Variants in ATF1 observed in about 807,000 individuals in gnomAD.
The protein encoded by ATF1 is activating transcription factor 1.
ATF1 carries 16 observed loss-of-function variants against 34.7 expected under a neutral mutation model. The ratio of observed to expected loss-of-function variants is 0.46; its 90% CI spans 0.31 to 0.70. The LOEUF (loss-of-function observed/expected upper bound fraction) is 0.70, where lower values mean the gene tolerates loss of function less well. Among genes scored for constraint, ATF1 ranks in the 30% least tolerant of loss-of-function variants. ATF1 has a pLI of 0.05. For missense variants in ATF1, 255 were observed against 321.6 expected, an observed-to-expected ratio of 0.79 and a Z score of 1.58; for synonymous variants, 105 against 113.1, an observed-to-expected ratio of 0.93 and a Z score of 0.46.
intron 1 of ATF1, among the ~76,000 whole-genome samples, chr12:50,768,030 G>A (rs374546726): frequency 6.6e-6 from 1 of 152,070 alleles, no homozygotes; most frequent in South Asian, 2.1e-4. Flanking sequence ...GTGCCACTAC[G>A]CCCAGCTAAT....
intron 1 of ATF1, among the ~76,000 whole-genome samples, chr12:50,779,784 T>C (rs1941014316): frequency 6.6e-6 from 1 of 152,182 alleles, no homozygotes; most frequent in Non-Finnish European, 1.5e-5. Context: ...TTTTACTCAG[T>C]AAATTCTCTA....
At chr12:50,795,770 C>G in intron 2 of ATF1, 139 bp from the exon 3 acceptor site, 1 of 693,794 alleles carries the variant, frequency 1.4e-6, no homozygotes, top group Middle Eastern at 3.5e-4. Flanking sequence ...TCCTTTTGTT[C>G]CTTTCTTTTA....
At chr12:50,818,638 C>CTTG (rs1941889823) in intron 6 of ATF1, among the ~76,000 whole-genome samples, 1 of 152,132 alleles carries the variant, frequency 6.6e-6, no homozygotes, top group Non-Finnish European at 1.5e-5. Context: ...GAGACAGAGT[C>CTTG]TTGCTCTGTT....
At chr12:50,781,217 T>G (rs1941053417) in intron 2 of ATF1, among the ~76,000 whole-genome samples, 1 of 152,172 alleles carries the variant, frequency 6.6e-6, no homozygotes, top group Admixed American at 6.5e-5. Flanking sequence ...CCTACATATT[T>G]TCCTGTATAC....
chr12:50,798,914 A>G (rs930190851), intron 3 of ATF1, among the ~76,000 whole-genome samples: 1 of 152,220 alleles, frequency 6.6e-6, no homozygotes, highest in South Asian at 2.1e-4. Context: ...GAACTTAACT[A>G]TGTATAGGAC....
chr12:50,803,498 TAA>T (rs35063138), intron 3 of ATF1, among the ~76,000 whole-genome samples: 1,512 of 143,712 alleles, frequency 0.011, 26 homozygotes, highest in East Asian at 0.048. Flanking sequence ...GGTAAGAATG[TAA>T]AAAAAAAAAA....
intron 1 of ATF1, among the ~76,000 whole-genome samples, chr12:50,779,609 C>G (rs1201929639): frequency 1.4e-5 from 2 of 147,856 alleles, no homozygotes; most frequent in East Asian, 4.0e-4. Flanking sequence ...CTGTCTAAAT[C>G]TTTTACCAGC....
intron 1 of ATF1, among the ~76,000 whole-genome samples, chr12:50,776,769 C>T (rs902395961): frequency 2.0e-5 from 3 of 152,024 alleles, no homozygotes; most frequent in East Asian, 1.9e-4. Context: ...ATCTTAATTA[C>T]AGAGAAAGGT....
intron 4 of ATF1, among the ~76,000 whole-genome samples, chr12:50,813,748 A>T (rs912500936): frequency 6.6e-6 from 1 of 152,042 alleles, no homozygotes; most frequent in Non-Finnish European, 1.5e-5. Context: ...CAGGAGGCAG[A>T]GGTTGCAGCC....
chr12:50,812,955 T>C (rs953455986), intron 4 of ATF1, among the ~76,000 whole-genome samples: 1 of 152,124 alleles, frequency 6.6e-6, no homozygotes, highest in African/African-American at 2.4e-5. Context: ...ATCACACACA[T>C]ATACATATAC....
chr12:50,787,256 A>G (rs537813828), intron 2 of ATF1, among the ~76,000 whole-genome samples: 1 of 152,346 alleles, frequency 6.6e-6, no homozygotes, highest in African/African-American at 2.4e-5. Context: ...CTCACTGTCA[A>G]AAACCAAAAC....
chr12:50,799,254 G>A (rs1388850879), intron 3 of ATF1, among the ~76,000 whole-genome samples: 2 of 152,096 alleles, frequency 1.3e-5, no homozygotes, highest in Non-Finnish European at 2.9e-5. Context: ...GTATGGTGGT[G>A]TGTACCTGTA....
chr12:50,819,522 A>T, intron 6 of ATF1, 113 bp from the exon 7 acceptor site: 1 of 1,201,016 alleles, frequency 8.3e-7, no homozygotes, highest in African/African-American at 1.5e-5. Context: ...CTCTGTGTGT[A>T]GATGATACTT....
intron 2 of ATF1, among the ~76,000 whole-genome samples, chr12:50,793,972 C>T (rs1480884128): frequency 4.0e-5 from 6 of 151,262 alleles, no homozygotes; most frequent in African/African-American, 7.3e-5. Flanking sequence ...TTTTTTTGAG[C>T]GGGAGCCTCG....
intron 2 of ATF1, among the ~76,000 whole-genome samples, chr12:50,795,236 T>C (rs1041385455): frequency 6.6e-6 from 1 of 152,222 alleles, no homozygotes; most frequent in Non-Finnish European, 1.5e-5. Flanking sequence ...CTCCTCAGTA[T>C]GCTGTCTTCA....
Position 50,806,460 on chromosome 12 carries a change from C to T in ATF1, c.195-2996C>T, listed in dbSNP as rs78892947. 829 of 325,080 alleles carry T rather than the reference C, an allele frequency of 2.6e-3. 18 individuals are homozygous for T. The East Asian group carries it at 0.049, about 19-fold the overall frequency. The allele number at this position is 325,080 out of a possible 1,614,324, so 20.1% of individuals were successfully genotyped here. A position where few individuals can be genotyped will look rare whatever the true frequency, so the allele number is the denominator to read the frequency against. On this transcript the variant is annotated intron_variant, in intron 3 of 6. Coordinates refer to ENST00000262053, the MANE Select transcript of ATF1 (RefSeq NM_005171.5). ...TCTGCCTGCACAGCACCACACAGGG[C>T]GGGCTTTGCTCCAGCAGATCCATGG...
At chr12:50,804,599 T>C (rs866836184) in intron 3 of ATF1, among the ~76,000 whole-genome samples, 7 of 152,102 alleles carry the variant, frequency 4.6e-5, no homozygotes, top group Non-Finnish European at 1.0e-4. Flanking sequence ...TGCAGTGAGC[T>C]ATGATTGAGC....
chr12:50,809,521 G>C lies in ATF1; in HGVS notation c.260G>C (p.Gly87Ala). 6.2e-7 allele frequency: 1 copy of C among 1,613,668 alleles called. No individual in the cohort carries two copies. Among genetic ancestry groups the C allele is most frequent in the Middle Eastern group, 1.7e-4 (1 of 6,016 alleles). Residue 87 changes from glycine (G) to alanine (A), a missense_variant, in exon 4 of 7, where the codon GGA becomes GCA. Physicochemically the swap from Gly to Ala is moderately conservative, Grantham distance 60. Around this residue, in one of 2 missense-constraint regions of ATF1, gnomAD observed 221 missense variants for 250.7 expected, o/e 0.88. Coordinates refer to ENST00000262053, the MANE Select transcript of ATF1 (RefSeq NM_005171.5). ...RGRKGDGENS[G>A]VSAAVTSMSV... is the part of the protein sequence containing the mutation. Reference sequence around the variant, plus strand: ...AGAAAAGGAGACGGAGAAAATTCTGGAGTTTCTGCTGCTGTCACTTCTATG... The same window carrying C: ...AGAAAAGGAGACGGAGAAAATTCTGCAGTTTCTGCTGCTGTCACTTCTATG...
At chr12:50,801,602 G>C (rs1941512709) in intron 3 of ATF1, among the ~76,000 whole-genome samples, 1 of 152,116 alleles carries the variant, frequency 6.6e-6, no homozygotes, top group African/African-American at 2.4e-5. Context: ...CCAACAACAT[G>C]TAAAAGGTAG....
Sources: allele counts gnomAD v4.1 joint callset (sites outside exome capture counted in the v4.1 genomes callset), GRCh38; gene constraint gnomAD v4.1.1; regional missense constraint gnomAD v4.1.1; transcripts MANE v1.5; gene names NCBI Gene and HGNC (gene_info 2026-07-23, HGNC 2026-07-21).